The following PNPLA6 variants were observed in gnomAD, a reference collection of about 807,000 sequenced individuals.
PNPLA6 encodes the protein patatin like domain 6, lysophospholipase.
PNPLA6 carries 105 observed loss-of-function variants against 153.7 expected under a neutral mutation model. That is an observed-to-expected ratio of 0.68 (90% CI 0.58 to 0.80). PNPLA6 has a LOEUF of 0.80. Ranked by LOEUF, PNPLA6 falls within the 30% of genes least tolerant of loss-of-function variation. The probability of loss-of-function intolerance (pLI) is 0.00; values close to 1 mark genes in which losing one functional copy is unlikely to be tolerated. For synonymous variants in PNPLA6, 825 were observed against 822.2 expected (o/e 1.00, Z -0.06); for missense variants, 1,423 against 1,919.3 (o/e 0.74, Z 4.83).
Position 7,540,101 on chromosome 19 carries a change from G to T in PNPLA6, c.554+43G>T. ...GGTGGGGGTGGAGGGCTGCAGACGT[G>T]GGGCCGCCCTGACCTCCAGCCTCTG... On this transcript the variant is annotated intron_variant, in intron 4 of 31. Transcript: ENST00000600737. This position sits in a 1 kb window ranked among gnomAD's most constrained non-coding sequence, Gnocchi z 6.8. The T allele has an allele frequency of 6.2e-7, 1 of 1,613,810 alleles. No individual in the cohort carries two copies. Among genetic ancestry groups the T allele is most frequent in the East Asian group, 2.2e-5 (1 of 44,886 alleles).
At position 7,549,981 on chromosome 19, in the gene PNPLA6, G is replaced by A. The variant is rs771231876; in HGVS notation, c.1683G>A (p.Val561=). 6 of 1,613,996 alleles carry A rather than the reference G, an allele frequency of 3.7e-6. No individual in the cohort carries two copies. The highest frequency in any genetic ancestry group is 5.1e-6 in the Non-Finnish European group (6 of 1,180,042). Residue 561 remains valine (V), a synonymous_variant, in exon 14 of 32, where the codon GTG becomes GTA. Transcript: ENST00000600737. Reference sequence around the variant, plus strand: ...GCATGATCGACAAGGCGGAGGACGTGTGCCTGTTCGTAGCGCAGCCCGGGG... The same window carrying A: ...GCATGATCGACAAGGCGGAGGACGTATGCCTGTTCGTAGCGCAGCCCGGGG... ...YQRMIDKAED[V]CLFVAQPGEL...
chr19:7,543,487 A>G (rs192078936), intron 13 of PNPLA6, among the ~76,000 whole-genome samples: 3 of 152,326 alleles, frequency 2.0e-5, no homozygotes, highest in Admixed American at 2.0e-4. Flanking sequence ...CTGGCCTCGG[A>G]AGGCCATGAA....
At chr19:7,551,965 G>A (rs935280831) in intron 18 of PNPLA6, among the ~76,000 whole-genome samples, 9 of 152,106 alleles carry the variant, frequency 5.9e-5, no homozygotes, top group African/African-American at 2.2e-4. Flanking sequence ...ACATTAGCTG[G>A]GCTTGGTGAC....
intron 18 of PNPLA6, among the ~76,000 whole-genome samples, chr19:7,552,680 G>A (rs2023703537): frequency 6.6e-6 from 1 of 150,850 alleles, no homozygotes; most frequent in Admixed American, 6.7e-5. Context: ...GCTTGAACCG[G>A]GGAGGCAGAG....
rs1017566752 is a variant in PNPLA6, at chr19:7,549,966, C to T, written c.1668C>T (p.Asp556=). The part of the protein sequence containing the change: ...GCLHVYQRMI[D]KAEDVCLFVA... The stretch of plus-strand genomic sequence containing the variant: ...TGCACGTGTACCAGCGCATGATCGA[C>T]AAGGCGGAGGACGTGTGCCTGTTCG... Residue 556 remains aspartate (D), a synonymous_variant, in exon 14 of 32, where the codon GAC becomes GAT. Coordinates refer to ENST00000600737, the MANE Select transcript of PNPLA6 (RefSeq NM_001166114.2). The T allele has an allele frequency of 1.9e-6, 3 of 1,613,924 alleles. No individual in the cohort carries two copies. The highest frequency in any genetic ancestry group is 1.7e-6 in the Non-Finnish European group (2 of 1,180,048).
chr19:7,554,489 G>A, intron 20 of PNPLA6, 66 bp from the exon 21 acceptor site: 3 of 1,569,164 alleles, frequency 1.9e-6, no homozygotes, highest in Non-Finnish European at 2.6e-6. Flanking sequence ...ACGGAGCTAT[G>A]TGGTCTCGGG....
In PNPLA6 at chr19:7,551,420, T is replaced by A. The variant is rs1367681979; in HGVS notation, c.2243T>A (p.Leu748Gln). ...SQKILGNLQQ[L>Q]QGPFPGSGLG... ...AAAATTCTAGGGAATTTGCAGCAGC[T>A]GCAAGGACCCTTCCCAGGTGAGAGC... is the stretch of plus-strand genomic sequence containing the variant. The change falls in exon 18 of 32, where the codon CTG (leucine) becomes CAG (glutamine). Residue 748 changes from leucine (L) to glutamine (Q), a missense_variant. By Grantham distance (113) the Leu-to-Gln change is moderately radical. Coordinates refer to ENST00000600737, the MANE Select transcript of PNPLA6 (RefSeq NM_001166114.2). 1 of 1,613,934 alleles carries A rather than the reference T, an allele frequency of 6.2e-7. No individual in the cohort carries two copies. The highest frequency in any genetic ancestry group is 2.2e-5 in the East Asian group (1 of 44,866).
rs768923785 is a variant in PNPLA6 at position 7,555,283 on chromosome 19, C to T, written c.2852C>T (p.Ala951Val). The T allele has an allele frequency of 1.3e-6, 2 of 1,595,210 alleles. No homozygotes were observed. The highest frequency in any genetic ancestry group is 1.7e-5 in the Admixed American group (1 of 57,244). ...TACGAGAAGGTTTTCTCCAGGCGCG[C>T]GGACCGGCACAGCGACTTCTCCCGC... ...ELYEKVFSRR[A>V]DRHSDFSRLA... The change falls in exon 23 of 32, where the codon GCG (alanine) becomes GTG (valine). Residue 951 changes from alanine to valine, a missense_variant. Coordinates refer to ENST00000600737, the MANE Select transcript of PNPLA6 (RefSeq NM_001166114.2). The surrounding 1 kb of genome is among the most constrained non-coding windows in gnomAD (Gnocchi z 6.3).
upstream of PNPLA6, chr19:7,534,514 G>A (rs1207250711): frequency 6.5e-6 from 1 of 154,982 alleles, no homozygotes; most frequent in Non-Finnish European, 1.4e-5. Context: ...TTCTAGCGAT[G>A]TCAGAAACAT....
At chr19:7,557,590 C>T in intron 27 of PNPLA6, 3 of 405,984 alleles carry the variant, frequency 7.4e-6, no homozygotes, top group South Asian at 6.1e-5. Context: ...TTGAGACCCG[C>T]CTGGCCAACA....
Position 7,561,335 on chromosome 19 carries a change from A to C in PNPLA6, c.4023+18A>C. On this transcript the variant is annotated intron_variant, in intron 31 of 31. Coordinates refer to ENST00000600737, the MANE Select transcript of PNPLA6 (RefSeq NM_001166114.2). ...CCGAGATGGTGAGAGTGGGTGGCCCAGGGTCCCCTCACATCCCCCAGAGGG... is the reference window on the plus strand; with the variant it reads ...CCGAGATGGTGAGAGTGGGTGGCCCCGGGTCCCCTCACATCCCCCAGAGGG... 6.4e-7 allele frequency: 1 copy of C among 1,563,814 alleles called. No homozygotes were observed. Among genetic ancestry groups the C allele is most frequent in the Non-Finnish European group, 8.7e-7 (1 of 1,144,984 alleles).
intron 15 of PNPLA6, 31 bp downstream of exon 15, chr19:7,550,460 G>A: frequency 6.2e-7 from 1 of 1,612,116 alleles, no homozygotes; most frequent in Middle Eastern, 1.7e-4. Flanking sequence ...CTCAGGCCCG[G>A]CCTAGGGGTG....
chr19:7,541,132 GC>G lies in PNPLA6; in HGVS notation c.924+84del. On this transcript the variant is annotated intron_variant, in intron 7 of 31. Transcript: ENST00000600737. The surrounding 1 kb of genome is among the most constrained non-coding windows in gnomAD (Gnocchi z 5.2). ...CCATTCCAGGCTCCAAGGGACCGAG[GC>G]CCAGCAGCCAGCAGGCGCTGGAGCT... is the stretch of plus-strand genomic sequence containing the variant. 6.7e-7 allele frequency: 1 copy of G among 1,497,850 alleles called. No homozygotes were observed. The allele number at this position is 1,497,850 out of a possible 1,614,324, so 92.8% of individuals were successfully genotyped here. A position where few individuals can be genotyped will look rare whatever the true frequency, so the allele number is the denominator to read the frequency against.
chr19:7,534,712 C>T (rs1326643410), upstream of PNPLA6: 2 of 152,578 alleles, frequency 1.3e-5, no homozygotes, highest in African/African-American at 4.8e-5. Context: ...CCCGCATCCC[C>T]ACCCACTAAT....
At chr19:7,538,179 AATTATT>A (rs777609079) in intron 3 of PNPLA6, among the ~76,000 whole-genome samples, 110 of 152,046 alleles carry the variant, frequency 7.2e-4, no homozygotes, top group Non-Finnish European at 1.4e-3. Context: ...TAACAATTAT[AATTATT>A]ATTATTATTT....
intron 13 of PNPLA6, 98 bp from the exon 14 acceptor site, chr19:7,549,805 CCCTT>C: frequency 1.1e-5 from 13 of 1,185,872 alleles, no homozygotes; most frequent in Non-Finnish European, 1.6e-5. Context: ...TTTTTCTTAA[CCCTT>C]CCTTTCTTCT....
intron 18 of PNPLA6, among the ~76,000 whole-genome samples, chr19:7,552,819 A>G (rs949732167): frequency 1.3e-5 from 2 of 151,986 alleles, no homozygotes; most frequent in African/African-American, 4.8e-5. Flanking sequence ...GATAGAGAAT[A>G]CAATATCTAG....
At position 7,542,054 on chromosome 19, in the gene PNPLA6, A is replaced by C. The variant is rs1462929521; in HGVS notation, c.1239A>C (p.Pro413=). ...APLLSRCVSM[P]GDISGLQGGP... is the part of the protein sequence containing the mutation. ...TGCTGAGCCGCTGCGTCTCCATGCC[A>C]GGGGACATCTCAGGTTTGGAGCACT... The change falls in exon 10 of 32, where the codon CCA becomes CCC. Residue 413 remains proline (P), a synonymous_variant. Transcript: ENST00000600737. The C allele has an allele frequency of 1.2e-6, 2 of 1,606,326 alleles. No individual in the cohort carries two copies.
At chr19:7,550,843 C>T in intron 16 of PNPLA6, 151 bp from the exon 17 acceptor site, 1 of 898,110 alleles carries the variant, frequency 1.1e-6, no homozygotes. Context: ...CTCCCTCTCC[C>T]CAGAGCTCTA....
Sources: allele counts gnomAD v4.1 joint callset (sites outside exome capture counted in the v4.1 genomes callset), GRCh38; gene constraint gnomAD v4.1.1; non-coding constraint Gnocchi (gnomAD v3.1); transcripts MANE v1.5; gene names NCBI Gene and HGNC (gene_info 2026-07-23, HGNC 2026-07-21).